Variants in COPG2 observed in about 807,000 individuals in gnomAD.
COPG2 encodes the protein coat protein complex I subunit gamma 2.
COPG2 carries 37 observed loss-of-function variants against 46.3 expected under a neutral mutation model. The ratio of observed to expected loss-of-function variants is 0.80; its 90% confidence interval spans 0.61 to 1.05. COPG2 has a LOEUF of 1.05. Among genes scored for constraint, COPG2 ranks in the 50% least tolerant of loss-of-function variants. The pLI, the probability that COPG2 is intolerant of heterozygous loss-of-function variation, is 0.00. For missense variants in COPG2, 427 were observed against 387.8 expected (o/e 1.10, Z -0.85); for synonymous variants, 159 against 129.7 (o/e 1.23, Z -1.53).
In COPG2 at chr7:130,666,834, A is replaced by C; in HGVS notation, c.171+15T>G. On this transcript the variant is annotated intron_variant, in intron 3 of 23. Coordinates refer to ENST00000425248, the MANE Select transcript of COPG2 (RefSeq NM_012133.6). ...TCCAGGACACACTTATCTGAGGAAA[A>C]TAAAAATAATATACCTGGTTCAGTA... 1.6e-6 allele frequency: 2 copies of C among 1,218,810 alleles called. No homozygotes were observed. The highest frequency in any genetic ancestry group is 1.3e-5 in the South Asian group (1 of 74,890). The allele number at this position is 1,218,810 out of a possible 1,614,324, so 75.5% of individuals were successfully genotyped here.
intron 20 of COPG2, among the ~76,000 whole-genome samples, chr7:130,518,771 A>AG (rs1211567273): frequency 5.9e-4 from 90 of 152,258 alleles, no homozygotes; most frequent in Middle Eastern, 3.4e-3. Context: ...TGGGAGGCCA[A>AG]GGGGGGCAGA....
chr7:130,591,109 G>A (rs1554448764), intron 9 of COPG2, among the ~76,000 whole-genome samples: 218 of 115,362 alleles, frequency 1.9e-3, no homozygotes, highest in African/African-American at 5.7e-3. Flanking sequence ...TCAGCCCCCC[G>A]CCCGGCCAGC....
At chr7:130,637,047 G>A (rs1225114403) in intron 5 of COPG2, among the ~76,000 whole-genome samples, 3 of 152,084 alleles carry the variant, frequency 2.0e-5, no homozygotes, top group African/African-American at 7.2e-5. Flanking sequence ...GTTGAATATT[G>A]GCCCCCACTC....
chr7:130,635,102 T>C lies in COPG2; in HGVS notation c.323+17767A>G, dbSNP rs1344626387. ...ATAAGCTTTTTGATGTGCTGCTGGA[T>C]TCGGTTTGCCCGTATTTTATTGAGG... On this transcript the variant is annotated intron_variant, in intron 5 of 23. Transcript: ENST00000425248. 3.3e-5 allele frequency among the ~76,000 whole-genome samples: 5 copies of C among 150,782 alleles called. No individual in the cohort carries two copies. In the South Asian group the frequency reaches 6.4e-4, roughly 19 times the overall value.
chr7:130,615,100 A>C (rs1357786285), intron 6 of COPG2, among the ~76,000 whole-genome samples: 1 of 152,244 alleles, frequency 6.6e-6, no homozygotes, highest in Admixed American at 6.5e-5. Context: ...TTGGTGTAGC[A>C]TGAAGGTCAT....
At chr7:130,552,824 C>T (rs1793553315) in intron 14 of COPG2, among the ~76,000 whole-genome samples, 1 of 152,146 alleles carries the variant, frequency 6.6e-6, no homozygotes, top group Non-Finnish European at 1.5e-5. Flanking sequence ...GTTCACCAAA[C>T]TTTTGTCAGG....
intron 4 of COPG2, among the ~76,000 whole-genome samples, chr7:130,655,400 T>C (rs1554459767): frequency 2.0e-5 from 3 of 152,214 alleles, no homozygotes; most frequent in Admixed American, 6.5e-5. Context: ...TAGAAGGTCT[T>C]TCCACTCTCA....
At chr7:130,538,453 G>T (rs1799905679) in intron 20 of COPG2, among the ~76,000 whole-genome samples, 1 of 152,052 alleles carries the variant, frequency 6.6e-6, no homozygotes, top group Non-Finnish European at 1.5e-5. Flanking sequence ...CCCAAATGGG[G>T]TTTTATCAGA....
At chr7:130,647,001 ATATATATATGTATATATATATATGTG>A (rs1421891558) in intron 5 of COPG2, among the ~76,000 whole-genome samples, 100 of 119,316 alleles carry the variant, frequency 8.4e-4, no homozygotes, top group African/African-American at 3.8e-3. Context: ...ATATATGTGT[ATATATATATGTATATATATATATGTG>A]TATATATATA....
intron 9 of COPG2, among the ~76,000 whole-genome samples, chr7:130,606,025 C>G (rs1262716890): frequency 6.6e-6 from 1 of 152,044 alleles, no homozygotes; most frequent in Non-Finnish European, 1.5e-5. Context: ...TGGAGGAAGC[C>G]TAGTTTTGAA....
In COPG2 at chr7:130,535,604, G is replaced by C; in HGVS notation, c.2149+12070C>G. Among the ~76,000 whole-genome samples the C allele has an allele frequency of 4.1e-5, 6 of 147,190 alleles. 1 individual carries two copies. In the South Asian group the frequency reaches 1.3e-3, roughly 32 times the overall value. On this transcript the variant is annotated intron_variant, in intron 20 of 23. Coordinates refer to ENST00000425248, the MANE Select transcript of COPG2 (RefSeq NM_012133.6). ...TGCACAGGTGTGAATCTTGGGCCAG[G>C]CTCTTTACTACGGATCCGGCAGGGA...
chr7:130,588,176 GAACACTTTTACA>G (rs1554448361), intron 9 of COPG2, among the ~76,000 whole-genome samples: 6 of 151,706 alleles, frequency 4.0e-5, no homozygotes, highest in African/African-American at 1.4e-4. Context: ...GGAGAAATAG[GAACACTTTTACA>G]CTGTTGGTGG....
At chr7:130,553,376 ATATAT>A (rs1793564425) in intron 14 of COPG2, among the ~76,000 whole-genome samples, 1 of 151,678 alleles carries the variant, frequency 6.6e-6, no homozygotes, top group Non-Finnish European at 1.5e-5. Flanking sequence ...AATAGGCAGG[ATATAT>A]GTGAGTCTAG....
chr7:130,554,699 A>G lies in COPG2; in HGVS notation c.1250T>C (p.Ile417Thr). 1 of 398,598 alleles carries G rather than the reference A, an allele frequency of 2.5e-6. No individual in the cohort carries two copies. Among genetic ancestry groups the G allele is most frequent in the Non-Finnish European group, 4.4e-6 (1 of 226,068 alleles). The allele number at this position is 398,598 out of a possible 1,614,324, so 24.7% of individuals were successfully genotyped here. A position where few individuals can be genotyped will look rare whatever the true frequency, so the allele number is the denominator to read the frequency against. The change falls in exon 14 of 24, where the codon ATT becomes ACT. Residue 417 changes from isoleucine to threonine, a missense_variant. Transcript: ENST00000425248. The part of the protein sequence containing the change: ...DDGGFEYKRA[I>T]VDCIISIVEE... ...CACAATGCTGATTATACAGTCCACAATGGCCCGCTTGTACTCAAAGCCTCC... is the reference window on the plus strand; with the variant it reads ...CACAATGCTGATTATACAGTCCACAGTGGCCCGCTTGTACTCAAAGCCTCC...
intron 9 of COPG2, among the ~76,000 whole-genome samples, chr7:130,593,630 C>A (rs1413847277): frequency 2.6e-5 from 4 of 152,006 alleles, no homozygotes; most frequent in Admixed American, 2.6e-4. Context: ...CATAAAGACA[C>A]CTGATTTATA....
At chr7:130,522,834 G>C (rs1432670795) in intron 20 of COPG2, among the ~76,000 whole-genome samples, 1 of 151,966 alleles carries the variant, frequency 6.6e-6, no homozygotes, top group Non-Finnish European at 1.5e-5. Context: ...TCAAAACAAT[G>C]ATCTTCAACA....
chr7:130,609,790 G>C (rs377232581), intron 9 of COPG2, among the ~76,000 whole-genome samples: 71 of 152,094 alleles, frequency 4.7e-4, no homozygotes, highest in Admixed American at 7.2e-4. Context: ...CTGCTATTAA[G>C]TGCTTCAAAT....
chr7:130,538,535 A>G (rs1799906631), intron 20 of COPG2, among the ~76,000 whole-genome samples: 3 of 152,106 alleles, frequency 2.0e-5, no homozygotes, highest in Admixed American at 1.3e-4. Context: ...GCAAAATCCC[A>G]GGCTTTTCAG....
intron 20 of COPG2, among the ~76,000 whole-genome samples, chr7:130,530,349 G>A (rs1799812162): frequency 6.6e-6 from 1 of 152,108 alleles, no homozygotes. Flanking sequence ...TGGCTGTGGA[G>A]TTTTGTGGGA....
Sources: allele counts gnomAD v4.1 joint callset (sites outside exome capture counted in the v4.1 genomes callset), GRCh38; gene constraint gnomAD v4.1.1; transcripts MANE v1.5; gene names NCBI Gene and HGNC (gene_info 2026-07-23, HGNC 2026-07-21).